Variants in SHROOM3 observed in about 807,000 individuals in gnomAD.
SHROOM3 encodes protein Shroom3.
In SHROOM3, 47 loss-of-function variants were observed where a neutral mutation model predicts 138.6. That is an observed-to-expected ratio of 0.34 (90% CI 0.27 to 0.43). SHROOM3 has a LOEUF of 0.43. SHROOM3 is among the 20% of genes least tolerant of loss of function. The pLI is 1.00. For missense variants in SHROOM3, 2,491 were observed against 2,596.5 expected (o/e 0.96, Z 0.88); for synonymous variants, 1,062 against 1,063.3 (o/e 1.00, Z 0.02).
At chr4:76,746,979 G>A (rs967551910) in intron 5 of SHROOM3, among the ~76,000 whole-genome samples, 1 of 151,900 alleles carries the variant, frequency 6.6e-6, no homozygotes, top group South Asian at 2.1e-4. Context: ...ACCAGGCCCC[G>A]GTAATTTTTT....
chr4:76,623,371 A>T (rs1463335216), intron 2 of SHROOM3, among the ~76,000 whole-genome samples: 2 of 152,352 alleles, frequency 1.3e-5, no homozygotes, highest in East Asian at 3.9e-4. Flanking sequence ...CATAAGCATG[A>T]GTCAAATTGG....
intron 1 of SHROOM3, among the ~76,000 whole-genome samples, chr4:76,449,184 G>T (rs1378830881): frequency 2.0e-5 from 3 of 152,114 alleles, no homozygotes; most frequent in Non-Finnish European, 4.4e-5. Flanking sequence ...TATAGGTTAA[G>T]GGTTAAGGAA....
chr4:76,454,902 T>C (rs960566779), intron 1 of SHROOM3, among the ~76,000 whole-genome samples: 2 of 152,192 alleles, frequency 1.3e-5, no homozygotes, highest in African/African-American at 4.8e-5. Flanking sequence ...CATTTTATTC[T>C]TTTTGATGCT....
At chr4:76,713,790 A>G (rs1038387372) in intron 3 of SHROOM3, among the ~76,000 whole-genome samples, 1 of 152,066 alleles carries the variant, frequency 6.6e-6, no homozygotes, top group Non-Finnish European at 1.5e-5. Context: ...CTCCATTATA[A>G]TCTTATGGAA....
intron 1 of SHROOM3, among the ~76,000 whole-genome samples, chr4:76,527,962 G>T (rs946214389): frequency 6.6e-6 from 1 of 152,182 alleles, no homozygotes; most frequent in Non-Finnish European, 1.5e-5. Flanking sequence ...ACAAGGGAGG[G>T]TGAATGGATA....
chr4:76,709,473 C>T lies in SHROOM3; in HGVS notation c.324-683C>T, dbSNP rs76801545. Among the ~76,000 whole-genome samples the T allele has an allele frequency of 4.0e-3, 612 of 151,918 alleles. 1 individual carries two copies. Among genetic ancestry groups the T allele is most frequent in the Non-Finnish European group, 7.1e-3 (486 of 67,992 alleles). On this transcript the variant is annotated intron_variant, in intron 2 of 10. Transcript: ENST00000296043. ...AGAAGAAATGTTCCTGTTCCCATGG[C>T]GGAACACATTGGCCATGTAGGGCTT... is the stretch of plus-strand genomic sequence containing the variant.
intron 1 of SHROOM3, among the ~76,000 whole-genome samples, chr4:76,462,998 G>A (rs1731173435): frequency 6.6e-6 from 1 of 152,166 alleles, no homozygotes; most frequent in Non-Finnish European, 1.5e-5. Flanking sequence ...CTATAAAGAT[G>A]CCTGAAAGTG....
chr4:76,708,979 A>C (rs1372945018), intron 2 of SHROOM3, among the ~76,000 whole-genome samples: 4 of 152,236 alleles, frequency 2.6e-5, no homozygotes, highest in Non-Finnish European at 5.9e-5. Context: ...GGTGGTGCTT[A>C]GATATAACTA....
At chr4:76,691,014 C>A (rs7664160) in intron 2 of SHROOM3, among the ~76,000 whole-genome samples, 24,384 of 152,114 alleles carry the variant, frequency 0.16, 2,281 homozygotes, top group East Asian at 0.34. Context: ...GAATCAACTT[C>A]CCACATCTGC....
chr4:76,724,357 G>A (rs1720638248), intron 3 of SHROOM3, among the ~76,000 whole-genome samples: 1 of 152,020 alleles, frequency 6.6e-6, no homozygotes, highest in South Asian at 2.1e-4. Context: ...AAATTAGTAT[G>A]CCATGCTCTT....
intron 1 of SHROOM3, among the ~76,000 whole-genome samples, chr4:76,447,872 A>G (rs1042428183): frequency 6.6e-6 from 1 of 152,102 alleles, no homozygotes; most frequent in Non-Finnish European, 1.5e-5. Context: ...TATGTAAGTC[A>G]ATAAATTTGA....
rs757286148 is a variant in SHROOM3, at chr4:76,779,079, G to A, written c.5893G>A (p.Gly1965Arg). 1.9e-6 allele frequency: 3 copies of A among 1,614,180 alleles called. No individual in the cohort carries two copies. Among genetic ancestry groups the A allele is most frequent in the Non-Finnish European group, 2.5e-6 (3 of 1,180,034 alleles). ...SLPSDFIPKAGALALPPNLTS... is the reference protein window; with the variant it reads ...SLPSDFIPKARALALPPNLTS... ...GCCCTCAGATTTCATTCCCAAGGCT[G>A]GGGCCCTGGCTCTGCCCCCAAACCT... Residue 1965 changes from glycine (G) to arginine (R), a missense_variant, in exon 11 of 11, where the codon GGG becomes AGG. Gly to Arg is a moderately radical substitution (Grantham distance 125). Transcript: ENST00000296043.
In SHROOM3 at chr4:76,641,880, G is replaced by A. The variant is rs1365293080; in HGVS notation, c.324-68276G>A. ...TAGAGGTGAACTAAATAGAAAGGAA[G>A]ATGGAAATATACTCCAGGGAGAGGC... On this transcript the variant is annotated intron_variant, in intron 2 of 10. Coordinates refer to ENST00000296043, the MANE Select transcript of SHROOM3 (RefSeq NM_020859.4). Among the ~76,000 whole-genome samples the A allele has an allele frequency of 2.0e-5, 3 of 152,186 alleles. No homozygotes were observed. In the East Asian group the frequency reaches 5.8e-4, roughly 29 times the overall value.
At chr4:76,455,374 A>C (rs925040075) in intron 1 of SHROOM3, among the ~76,000 whole-genome samples, 1 of 152,152 alleles carries the variant, frequency 6.6e-6, no homozygotes, top group African/African-American at 2.4e-5. Flanking sequence ...AAATATAAAT[A>C]AACATTTATA....
At chr4:76,561,998 C>T (rs755739547) in intron 2 of SHROOM3, among the ~76,000 whole-genome samples, 2 of 151,716 alleles carry the variant, frequency 1.3e-5, no homozygotes, top group Non-Finnish European at 2.9e-5. Flanking sequence ...GCAACAAGAG[C>T]GAAACTCTGT....
chr4:76,558,394 A>G (rs1475421190), intron 2 of SHROOM3, among the ~76,000 whole-genome samples: 1 of 152,220 alleles, frequency 6.6e-6, no homozygotes, highest in Non-Finnish European at 1.5e-5. Context: ...CACAGTGGAT[A>G]TGCAATATTT....
chr4:76,555,082 T>A (rs1166877113), intron 1 of SHROOM3, among the ~76,000 whole-genome samples: 1 of 151,772 alleles, frequency 6.6e-6, no homozygotes, highest in Non-Finnish European at 1.5e-5. Context: ...TATGTTATGC[T>A]GAGTTGTATA....
At chr4:76,507,947 C>A (rs1732247952) in intron 1 of SHROOM3, among the ~76,000 whole-genome samples, 1 of 152,106 alleles carries the variant, frequency 6.6e-6, no homozygotes, top group South Asian at 2.1e-4. Context: ...AATTCTAAGA[C>A]TTGTATTGTA....
chr4:76,549,967 AC>A (rs1733314188), intron 1 of SHROOM3, among the ~76,000 whole-genome samples: 1 of 152,264 alleles, frequency 6.6e-6, no homozygotes, highest in South Asian at 2.1e-4. Context: ...GAATCCTGGC[AC>A]CAAGCAAACT....
Sources: gnomAD v4.1 joint callset for allele counts (sites outside exome capture counted in the v4.1 genomes callset) on GRCh38, gnomAD v4.1.1 for gene constraint, MANE v1.5 for transcripts, NCBI Gene and HGNC (gene_info 2026-07-23, HGNC 2026-07-21) for gene names.